Variants in PTPN13 observed in about 807,000 individuals in gnomAD.
PTPN13 encodes the protein protein tyrosine phosphatase non-receptor type 13.
PTPN13 carries 191 observed loss-of-function variants against 284.0 expected under a neutral mutation model. That is an observed-to-expected ratio of 0.67 (90% CI 0.60 to 0.76). The LOEUF (loss-of-function observed/expected upper bound fraction) is 0.76, where lower values mean the gene tolerates loss of function less well. PTPN13 is among the 30% of genes least tolerant of loss of function. PTPN13 has a pLI of 0.00. For missense variants in PTPN13, 2,797 were observed against 2,939.9 expected (o/e 0.95, Z 1.12); for synonymous variants, 986 against 1,022.3 (o/e 0.96, Z 0.68).
chr4:86,738,833 A>G (rs1193621252), intron 15 of PTPN13, among the ~76,000 whole-genome samples: 1 of 151,962 alleles, frequency 6.6e-6, no homozygotes, highest in Non-Finnish European at 1.5e-5. Flanking sequence ...GATGTGCACC[A>G]CCATACCTGG....
chr4:86,603,545 C>T (rs112408895), intron 1 of PTPN13, among the ~76,000 whole-genome samples: 4 of 152,066 alleles, frequency 2.6e-5, no homozygotes, highest in Non-Finnish European at 5.9e-5. Context: ...TCTCACAGAA[C>T]TTTAAATATG....
intron 1 of PTPN13, among the ~76,000 whole-genome samples, chr4:86,627,951 CCATT>C (rs984585411): frequency 2.1e-4 from 32 of 151,402 alleles, no homozygotes; most frequent in South Asian, 8.3e-4. Flanking sequence ...TTTTTTTTGT[CCATT>C]CACCTGTTGA....
At chr4:86,763,272 A>G (rs1265288725) in intron 24 of PTPN13, 82 bp downstream of exon 24, 2 of 1,122,420 alleles carry the variant, frequency 1.8e-6, no homozygotes, top group Non-Finnish European at 2.6e-6. Flanking sequence ...ACAATAATCT[A>G]CAAGATGCTT....
At chr4:86,605,422 G>A (rs1338405802) in intron 1 of PTPN13, among the ~76,000 whole-genome samples, 4 of 151,920 alleles carry the variant, frequency 2.6e-5, no homozygotes, top group Non-Finnish European at 5.9e-5. Flanking sequence ...CAAAGGTGGT[G>A]AAAGAACAGA....
At chr4:86,745,686 GA>G (rs1441195362) in intron 17 of PTPN13, among the ~76,000 whole-genome samples, 1 of 152,072 alleles carries the variant, frequency 6.6e-6, no homozygotes, top group Non-Finnish European at 1.5e-5. Flanking sequence ...TGAGGCAGGA[GA>G]ATCACTTGAA....
rs1740823879 is a variant in PTPN13, at chr4:86,777,752, CTGTAAAT to C, written c.5891+2102_5891+2108del. Reference sequence around the variant, plus strand: ...ATAAGCTTATTTATTCCTTCTGAACCTGTAAATTAGATTGTGTACTTTTTTTTCCCCT... The same window carrying C: ...ATAAGCTTATTTATTCCTTCTGAACCTAGATTGTGTACTTTTTTTTCCCCT... On this transcript the variant is annotated intron_variant, in intron 35 of 47. Transcript: ENST00000411767. Among the ~76,000 whole-genome samples, 3 of 152,098 alleles carry C rather than the reference CTGTAAAT, an allele frequency of 2.0e-5. No individual in the cohort carries two copies. In the South Asian group the frequency reaches 6.2e-4, roughly 31 times the overall value.
At chr4:86,605,021 G>A (rs1302407036) in intron 1 of PTPN13, among the ~76,000 whole-genome samples, 2 of 151,972 alleles carry the variant, frequency 1.3e-5, no homozygotes, top group African/African-American at 4.8e-5. Flanking sequence ...GACATTAAAT[G>A]TCTGTAGATG....
intron 44 of PTPN13, among the ~76,000 whole-genome samples, chr4:86,807,271 A>G (rs564309843): frequency 6.6e-6 from 1 of 152,270 alleles, no homozygotes; most frequent in African/African-American, 2.4e-5. Flanking sequence ...AAATGCATTT[A>G]TTAACTTACT....
At chr4:86,602,064 T>C (rs1411564244) in intron 1 of PTPN13, among the ~76,000 whole-genome samples, 1 of 152,154 alleles carries the variant, frequency 6.6e-6, no homozygotes, top group East Asian at 1.9e-4. Flanking sequence ...GAAGATAATA[T>C]TAAATAACAT....
intron 7 of PTPN13, among the ~76,000 whole-genome samples, chr4:86,708,289 G>A (rs1187162726): frequency 2.6e-5 from 4 of 152,076 alleles, no homozygotes; most frequent in Non-Finnish European, 5.9e-5. Flanking sequence ...AGGAAAGAGT[G>A]GCTTTAGAAC....
chr4:86,687,984 T>C (rs1729622046), intron 4 of PTPN13, among the ~76,000 whole-genome samples: 1 of 152,184 alleles, frequency 6.6e-6, no homozygotes, highest in African/African-American at 2.4e-5. Context: ...ACTAGGACTA[T>C]AGTGACGCTT....
chr4:86,754,655 A>C (rs918051573), intron 20 of PTPN13, among the ~76,000 whole-genome samples: 3 of 152,082 alleles, frequency 2.0e-5, no homozygotes, highest in Admixed American at 6.6e-5. Context: ...ATCATGCCTA[A>C]GTATTATTTC....
intron 3 of PTPN13, among the ~76,000 whole-genome samples, chr4:86,678,432 G>A: frequency 6.6e-6 from 1 of 152,098 alleles, no homozygotes; most frequent in East Asian, 1.9e-4. Flanking sequence ...CTGGATAGAG[G>A]GATCATAGCT....
At position 86,807,553 on chromosome 4, in the gene PTPN13, T is replaced by G; in HGVS notation, c.6746-7T>G. On this transcript the variant is annotated splice_region_variant and splice_polypyrimidine_tract_variant and intron_variant, in intron 44 of 47. Transcript: ENST00000411767. ...GATGGCTCTGTTTTGTGGTGGAAAA[T>G]TCACAGATGATGCTACAAGAGTGCC... is the stretch of plus-strand genomic sequence containing the variant. 2.5e-6 allele frequency: 4 copies of G among 1,590,608 alleles called. No homozygotes were observed. In the South Asian group the frequency reaches 4.5e-5, roughly 18 times the overall value.
chr4:86,693,359 C>T (rs1730237796), intron 5 of PTPN13, among the ~76,000 whole-genome samples: 1 of 152,126 alleles, frequency 6.6e-6, no homozygotes, highest in African/African-American at 2.4e-5. Context: ...ACTCTTCAGT[C>T]ACTGCTTCTT....
intron 8 of PTPN13, 51 bp from the exon 9 acceptor site, chr4:86,716,973 C>A: frequency 3.2e-6 from 4 of 1,269,092 alleles, no homozygotes; most frequent in Non-Finnish European, 4.5e-6. Flanking sequence ...AATGAAATTA[C>A]TCTCATGTTT....
chr4:86,796,290 CTTTCATCTT>C lies in PTPN13; in HGVS notation c.6346-573_6346-565del, dbSNP rs1023206426. ...ATATCTAAATAATCATTAATTCACA[CTTTCATCTT>C]TTTCATCTTTGTCTCTTTCCTATTA... On this transcript the variant is annotated intron_variant, in intron 40 of 47. Coordinates refer to ENST00000411767, the MANE Select transcript of PTPN13 (RefSeq NM_080683.3). Among the ~76,000 whole-genome samples the C allele has an allele frequency of 6.7e-4, 102 of 152,168 alleles. 1 individual carries two copies. The Middle Eastern group carries it at 0.014, about 20-fold the overall frequency.
At chr4:86,793,790 T>C (rs1327016020) in intron 40 of PTPN13, among the ~76,000 whole-genome samples, 1 of 152,184 alleles carries the variant, frequency 6.6e-6, no homozygotes, top group Non-Finnish European at 1.5e-5. Context: ...GAAATAAAGA[T>C]GTCCTTTGAA....
Position 86,799,119 on chromosome 4 carries a change from A to T in PTPN13, c.6420A>T (p.Gln2140His). The T allele has an allele frequency of 6.3e-7, 1 of 1,583,362 alleles. No homozygotes were observed. Among genetic ancestry groups the T allele is most frequent in the Non-Finnish European group, 8.6e-7 (1 of 1,166,806 alleles). ...TTCATAGCTTAATTCAGAAGCCACA[A>T]GAAAAGAAGACTGATGATGATGAAA... ...VKSESLIQKPQEKKTDDDEIT... is the reference protein window; with the variant it reads ...VKSESLIQKPHEKKTDDDEIT... The change falls in exon 42 of 48, where the codon CAA becomes CAT. Residue 2140 changes from glutamine to histidine, a missense_variant. Coordinates refer to ENST00000411767, the MANE Select transcript of PTPN13 (RefSeq NM_080683.3).
Sources: allele counts gnomAD v4.1 joint callset (sites outside exome capture counted in the v4.1 genomes callset), GRCh38; gene constraint gnomAD v4.1.1; transcripts MANE v1.5; gene names NCBI Gene and HGNC (gene_info 2026-07-23, HGNC 2026-07-21).